Variants in PREX1 observed in about 807,000 individuals in gnomAD.
PREX1 encodes phosphatidylinositol-3,4,5-trisphosphate dependent Rac exchange factor 1, also known as phosphatidylinositol 3,4,5-trisphosphate-dependent Rac exchanger 1 protein.
In PREX1, 41 loss-of-function variants were observed where a neutral mutation model predicts 198.3. The ratio of observed to expected loss-of-function variants is 0.21; its 90% CI spans 0.16 to 0.27. The LOEUF (loss-of-function observed/expected upper bound fraction) is 0.27, where lower values mean the gene tolerates loss of function less well. Ranked by LOEUF, PREX1 falls within the 10% of genes least tolerant of loss-of-function variation. The probability of loss-of-function intolerance (pLI) is 1.00; values close to 1 mark genes in which losing one functional copy is unlikely to be tolerated. For synonymous variants in PREX1, 843 were observed against 887.2 expected (o/e 0.95, Z 0.89); for missense variants, 1,620 against 2,200.7 (o/e 0.74, Z 5.28).
chr20:48,700,735 A>G lies in PREX1; in HGVS notation c.917+18T>C, dbSNP rs1368238468. ...AAGGCAGCAGGCCAGACCCCATCCC[A>G]GCCTCCTGGCCACTCACCTGGATTT... On this transcript the variant is annotated intron_variant, in intron 7 of 39. Coordinates refer to ENST00000371941, the MANE Select transcript of PREX1 (RefSeq NM_020820.4). 6.2e-7 allele frequency: 1 copy of G among 1,612,258 alleles called. No individual in the cohort carries two copies. Among genetic ancestry groups the G allele is most frequent in the South Asian group, 1.1e-5 (1 of 91,002 alleles).
chr20:48,651,704 C>T, intron 21 of PREX1, 121 bp from the exon 22 acceptor site: 1 of 918,152 alleles, frequency 1.1e-6, no homozygotes, highest in Non-Finnish European at 1.6e-6. Flanking sequence ...GGCCCCAGGG[C>T]AGGAGTACAT....
chr20:48,774,747 G>A (rs1002182605), intron 1 of PREX1, among the ~76,000 whole-genome samples: 3 of 152,230 alleles, frequency 2.0e-5, no homozygotes, highest in African/African-American at 7.2e-5. Flanking sequence ...GACCCGCACG[G>A]CTGAAACCAC....
Position 48,644,512 on chromosome 20 carries a change from A to G in PREX1, c.3513-15T>C. On this transcript the variant is annotated splice_polypyrimidine_tract_variant and intron_variant, in intron 26 of 39. Coordinates refer to ENST00000371941, the MANE Select transcript of PREX1 (RefSeq NM_020820.4). ...TGTTACACTCGCTGCAAAGGGGCCC[A>G]GAGAAGGGGCTGAGTCACCCTGAGC... 1 of 1,610,666 alleles carries G rather than the reference A, an allele frequency of 6.2e-7. No homozygotes were observed. The highest frequency in any genetic ancestry group is 8.5e-7 in the Non-Finnish European group (1 of 1,177,720).
At chr20:48,721,273 A>C (rs943282559) in intron 5 of PREX1, among the ~76,000 whole-genome samples, 3 of 152,336 alleles carry the variant, frequency 2.0e-5, no homozygotes, top group Non-Finnish European at 4.4e-5. Context: ...TCAGGACACC[A>C]AGCGTCCCAG....
intron 1 of PREX1, among the ~76,000 whole-genome samples, chr20:48,825,509 T>A (rs945454693): frequency 6.6e-6 from 1 of 152,142 alleles, no homozygotes; most frequent in African/African-American, 2.4e-5. Context: ...TTTTTCCTGT[T>A]TCTTGAATAA....
At chr20:48,838,668 A>G in the PREX1 span, among the ~76,000 whole-genome samples, 1 of 152,318 alleles carries the variant, frequency 6.6e-6, no homozygotes, top group South Asian at 2.1e-4. Flanking sequence ...CATGTACTCC[A>G]ATAAATAAAT....
rs566545235 is a variant in PREX1, at chr20:48,642,237, G to A, written c.3706C>T (p.Leu1236Phe). The A allele has an allele frequency of 7.4e-6, 12 of 1,614,210 alleles. No homozygotes were observed. Among genetic ancestry groups the A allele is most frequent in the African/African-American group, 5.3e-5 (4 of 75,054 alleles). ...FNQVDSINALLKGPVMSRAFE... is the reference protein window; with the variant it reads ...FNQVDSINALFKGPVMSRAFE... ...GCCCGGCTCATGACTGGCCCCTTGAGGAGAGCATTGATGGAGTCCACCTGG... is the reference window on the plus strand; with the variant it reads ...GCCCGGCTCATGACTGGCCCCTTGAAGAGAGCATTGATGGAGTCCACCTGG... The change falls in exon 29 of 40, where the codon CTC (leucine) becomes TTC (phenylalanine). Residue 1236 changes from leucine to phenylalanine, a missense_variant. Transcript: ENST00000371941.
intron 3 of PREX1, among the ~76,000 whole-genome samples, chr20:48,739,820 G>A (rs2090073172): frequency 6.6e-6 from 1 of 152,172 alleles, no homozygotes; most frequent in Admixed American, 6.5e-5. Flanking sequence ...CTGTAAGCTT[G>A]CCCTATAACT....
At chr20:48,637,681 G>C in intron 31 of PREX1, 30 bp downstream of exon 31, 1 of 1,591,034 alleles carries the variant, frequency 6.3e-7, no homozygotes. Context: ...GGCCGGGTAT[G>C]TGCCCCCCAC....
chr20:48,634,652 T>G, intron 33 of PREX1, 24 bp downstream of exon 33: 2 of 1,606,412 alleles, frequency 1.2e-6, no homozygotes, highest in African/African-American at 1.3e-5. Context: ...CCTCTCACAG[T>G]GGGGGATGGG....
At chr20:48,626,010 G>C in intron 39 of PREX1, 83 bp from the exon 40 acceptor site, 1 of 1,371,928 alleles carries the variant, frequency 7.3e-7, no homozygotes, top group Non-Finnish European at 9.7e-7. Context: ...ACCTGAACAT[G>C]TAATTCATGC....
At chr20:48,773,266 C>CAA (rs55740822) in intron 1 of PREX1, among the ~76,000 whole-genome samples, 272 of 65,278 alleles carry the variant, frequency 4.2e-3, no homozygotes, top group African/African-American at 5.3e-3. Flanking sequence ...GACTTGGTCT[C>CAA]AAAAAAAAAA....
intron 1 of PREX1, among the ~76,000 whole-genome samples, chr20:48,765,550 G>A (rs2122858509): frequency 6.6e-6 from 1 of 152,282 alleles, no homozygotes; most frequent in African/African-American, 2.4e-5. Context: ...CCAATGCCAG[G>A]GGTACAGGAG....
At chr20:48,786,775 A>C (rs2090314205) in intron 1 of PREX1, among the ~76,000 whole-genome samples, 1 of 151,396 alleles carries the variant, frequency 6.6e-6, no homozygotes, top group South Asian at 2.1e-4. Flanking sequence ...AAAGAAAAAA[A>C]AGAGAAGAGT....
At chr20:48,795,647 G>C (rs569641289) in intron 1 of PREX1, among the ~76,000 whole-genome samples, 2 of 152,154 alleles carry the variant, frequency 1.3e-5, no homozygotes, top group East Asian at 3.9e-4. Context: ...CCATCAAGAA[G>C]GGAATGAATG....
intron 16 of PREX1, among the ~76,000 whole-genome samples, chr20:48,659,501 C>A (rs780903887): frequency 1.3e-5 from 2 of 151,982 alleles, no homozygotes; most frequent in African/African-American, 2.4e-5. Flanking sequence ...TTAATGGAGC[C>A]GTCTTCATAT....
chr20:48,803,934 A>T (rs1169249109), intron 1 of PREX1, among the ~76,000 whole-genome samples: 3 of 152,210 alleles, frequency 2.0e-5, no homozygotes, highest in Non-Finnish European at 2.9e-5. Context: ...AGACTCTTCA[A>T]GTTAGGGTTT....
At chr20:48,629,960 C>A (rs192368362) in intron 36 of PREX1, among the ~76,000 whole-genome samples, 1 of 152,130 alleles carries the variant, frequency 6.6e-6, no homozygotes, top group Admixed American at 6.5e-5. Context: ...AACACAAGCG[C>A]CCCCTCTCCA....
chr20:48,705,165 G>C (rs1181920877), intron 6 of PREX1, among the ~76,000 whole-genome samples: 1 of 152,226 alleles, frequency 6.6e-6, no homozygotes, highest in East Asian at 1.9e-4. Context: ...CCATGATCCT[G>C]ACTTCGCAGA....
Sources: allele counts gnomAD v4.1 joint callset (sites outside exome capture counted in the v4.1 genomes callset), GRCh38; gene constraint gnomAD v4.1.1; transcripts MANE v1.5; gene names NCBI Gene and HGNC (gene_info 2026-07-23, HGNC 2026-07-21).